CFAP61: variants seen among roughly 807,000 people sequenced by gnomAD.
CFAP61 encodes cilia- and flagella-associated protein 61.
A neutral mutation model predicts 135.6 loss-of-function variants in CFAP61; 107 were observed. That is an observed-to-expected ratio of 0.79 (90% CI 0.67 to 0.93). CFAP61 has a LOEUF of 0.93. CFAP61 is among the 40% of genes least tolerant of loss of function. CFAP61 has a pLI of 0.00. For missense variants in CFAP61, 1,507 were observed against 1,556.2 expected, an observed-to-expected ratio of 0.97 and a Z score of 0.53; for synonymous variants, 575 against 578.5, an observed-to-expected ratio of 0.99 and a Z score of 0.09.
intron 6 of CFAP61, among the ~76,000 whole-genome samples, chr20:20,084,077 C>T (rs949316981): frequency 1.3e-5 from 2 of 152,068 alleles, no homozygotes; most frequent in Admixed American, 6.6e-5. Flanking sequence ...ATCTAGTTGA[C>T]GCCGATCTTA....
At chr20:20,254,393 C>T (rs532855988) in intron 20 of CFAP61, among the ~76,000 whole-genome samples, 28 of 151,918 alleles carry the variant, frequency 1.8e-4, no homozygotes, top group East Asian at 3.9e-4. Context: ...GCTGCTGCCA[C>T]GACTGCGTAC....
At chr20:20,272,425 T>A (rs969561084) in intron 21 of CFAP61, among the ~76,000 whole-genome samples, 5 of 149,090 alleles carry the variant, frequency 3.4e-5, no homozygotes, top group African/African-American at 1.2e-4. Flanking sequence ...GACTCTGTCT[T>A]GAAATAAATA....
intron 13 of CFAP61, chr20:20,171,853 G>C (rs1195139395): frequency 1.5e-6 from 1 of 680,674 alleles, no homozygotes; most frequent in Admixed American, 2.4e-5. Flanking sequence ...AAGAGTTTCA[G>C]ACCCACGGCC....
chr20:20,056,221 A>C (rs2044323979), intron 1 of CFAP61, among the ~76,000 whole-genome samples: 2 of 152,328 alleles, frequency 1.3e-5, no homozygotes, highest in Middle Eastern at 3.4e-3. Flanking sequence ...CAGTTTGGAG[A>C]ACTCTATTAA....
chr20:20,145,463 G>C (rs1412544704), intron 9 of CFAP61, among the ~76,000 whole-genome samples: 1 of 151,858 alleles, frequency 6.6e-6, no homozygotes, highest in East Asian at 1.9e-4. Context: ...AAAAAGAGAG[G>C]AAAAAGGGAG....
chr20:20,337,097 G>A (rs1010783623), intron 25 of CFAP61, among the ~76,000 whole-genome samples: 1 of 152,262 alleles, frequency 6.6e-6, no homozygotes, highest in African/African-American at 2.4e-5. Context: ...AGGGAGAAAA[G>A]TTTACGTGGA....
intron 23 of CFAP61, 49 bp from the exon 24 acceptor site, chr20:20,290,251 C>T (rs2054902497): frequency 1.7e-6 from 2 of 1,147,782 alleles, no homozygotes; most frequent in Non-Finnish European, 2.7e-6. Flanking sequence ...CTCTGTTACT[C>T]ACCTCATTAA....
In CFAP61 at chr20:20,279,536, C is replaced by T. The variant is rs565285292; in HGVS notation, c.2796+2078C>T. Among the ~76,000 whole-genome samples the T allele has an allele frequency of 2.0e-5, 3 of 152,106 alleles. No homozygotes were observed. The East Asian group carries it at 5.8e-4, about 29-fold the overall frequency. On this transcript the variant is annotated intron_variant, in intron 22 of 26. Transcript: ENST00000245957. ...TCATAAAGATCTTCGTCCTCATTGT[C>T]TTCACGTTGAGTAGGCTGAGGAAGA...
At chr20:20,203,735 A>C (rs1334509467) in intron 17 of CFAP61, among the ~76,000 whole-genome samples, 2 of 152,196 alleles carry the variant, frequency 1.3e-5, no homozygotes, top group African/African-American at 2.4e-5. Context: ...GTCTACATAC[A>C]AACCTGTTTT....
intron 2 of CFAP61, chr20:20,069,835 TCTC>T (rs1485563697): frequency 4.5e-6 from 2 of 445,378 alleles, no homozygotes; most frequent in Admixed American, 2.4e-5. Context: ...CCTCCTGTCA[TCTC>T]CTCTCCGCCT....
At position 20,347,932 on chromosome 20, in the gene CFAP61, C is replaced by CAAA. The variant is rs139136148; in HGVS notation, c.3513+6030_3513+6032dup. On this transcript the variant is annotated intron_variant, in intron 26 of 26. Coordinates refer to ENST00000245957, the MANE Select transcript of CFAP61 (RefSeq NM_015585.4). ...TGGGCCACAGAGCAAGACGCCATCTCAAAAAAAAAAAAAAAAAAAAATGAA... is the reference window on the plus strand; with the variant it reads ...TGGGCCACAGAGCAAGACGCCATCTCAAAAAAAAAAAAAAAAAAAAAAAATGAA... Among the ~76,000 whole-genome samples the CAAA allele has an allele frequency of 5.6e-4, 42 of 75,012 alleles. 1 individual carries two copies. The highest frequency in any genetic ancestry group is 1.1e-3 in the Admixed American group (7 of 6,128). The allele number at this position is 75,012 out of a possible 152,430, so 49.2% of individuals were successfully genotyped here.
chr20:20,176,705 T>C (rs1478982500), intron 13 of CFAP61, among the ~76,000 whole-genome samples: 7 of 151,890 alleles, frequency 4.6e-5, no homozygotes, highest in East Asian at 3.9e-4. Context: ...ACAACACACA[T>C]TGGGGCCTGT....
intron 25 of CFAP61, among the ~76,000 whole-genome samples, chr20:20,320,323 GAT>G (rs137900648): frequency 0.064 from 3,713 of 58,342 alleles, 373 homozygotes; most frequent in South Asian, 0.12. Context: ...CAGATATATA[GAT>G]ATATATATAT....
At chr20:20,303,404 C>T (rs1054439999) in intron 25 of CFAP61, among the ~76,000 whole-genome samples, 3 of 151,988 alleles carry the variant, frequency 2.0e-5, no homozygotes, top group Non-Finnish European at 4.4e-5. Context: ...CAGGAGGTGC[C>T]GATGGACATC....
chr20:20,083,042 A>G (rs2146595817), intron 6 of CFAP61, among the ~76,000 whole-genome samples: 1 of 152,338 alleles, frequency 6.6e-6, no homozygotes. Flanking sequence ...ACATGTATAC[A>G]CACGTTTATA....
chr20:20,310,539 C>G (rs1233404508), intron 25 of CFAP61, among the ~76,000 whole-genome samples: 2 of 152,182 alleles, frequency 1.3e-5, no homozygotes, highest in South Asian at 4.1e-4. Flanking sequence ...AGAATCCTCT[C>G]TAGCTGGTTT....
intron 19 of CFAP61, among the ~76,000 whole-genome samples, chr20:20,248,908 C>T (rs1236992251): frequency 2.0e-5 from 3 of 152,148 alleles, no homozygotes; most frequent in African/African-American, 7.2e-5. Flanking sequence ...TTTTTCTCCT[C>T]CTTATTATCT....
chr20:20,213,949 CAG>C (rs1326158130), intron 17 of CFAP61, among the ~76,000 whole-genome samples: 2 of 151,114 alleles, frequency 1.3e-5, no homozygotes, highest in South Asian at 2.1e-4. Context: ...CATATGAAGG[CAG>C]AGTGTTTCAT....
intron 18 of CFAP61, among the ~76,000 whole-genome samples, chr20:20,237,851 C>G (rs957604992): frequency 6.6e-6 from 1 of 152,088 alleles, no homozygotes; most frequent in Admixed American, 6.5e-5. Flanking sequence ...GCACCTTCCC[C>G]GTTTTCTGAA....
Sources: gnomAD v4.1 joint callset for allele counts (sites outside exome capture counted in the v4.1 genomes callset) on GRCh38, gnomAD v4.1.1 for gene constraint, MANE v1.5 for transcripts, NCBI Gene and HGNC (gene_info 2026-07-23, HGNC 2026-07-21) for gene names.